Variants in ARPP21 observed in about 807,000 individuals in gnomAD.
ARPP21 encodes the protein cAMP regulated phosphoprotein 21.
Under a neutral mutation model 113.2 loss-of-function variants are expected in ARPP21, and 69 were observed. The observed-to-expected ratio is 0.61, with a 90% CI of 0.50 to 0.74. The LOEUF is 0.74. ARPP21 is among the 30% of genes least tolerant of loss of function. The pLI is 0.00. For missense variants in ARPP21, 1,070 were observed against 1,037.4 expected, an observed-to-expected ratio of 1.03 and a Z score of -0.43; for synonymous variants, 368 against 375.5, an observed-to-expected ratio of 0.98 and a Z score of 0.23.
At chr3:35,693,856 C>T (rs946555455) in intron 9 of ARPP21, among the ~76,000 whole-genome samples, 5 of 151,498 alleles carry the variant, frequency 3.3e-5, no homozygotes, top group African/African-American at 1.2e-4. Context: ...TTGGGGAATA[C>T]CTTTTCAATA....
chr3:35,706,211 T>C (rs2088942925), intron 9 of ARPP21, among the ~76,000 whole-genome samples: 2 of 152,136 alleles, frequency 1.3e-5, no homozygotes, highest in Admixed American at 1.3e-4. Flanking sequence ...ATTCATTGAG[T>C]TCTGTGGTCT....
chr3:35,651,457 C>T lies in ARPP21; in HGVS notation c.-213+11059C>T, dbSNP rs115162064. ...ATATTCATGCATCCATTTTTATTGG[C>T]TTGTTCATAAATGTTAACTATGCTT... On this transcript the variant is annotated intron_variant, in intron 1 of 20. Transcript: ENST00000684406. Among the ~76,000 whole-genome samples, 921 of 152,034 alleles carry T rather than the reference C, an allele frequency of 6.1e-3. 7 individuals are homozygous for T. The highest frequency in any genetic ancestry group is 0.021 in the African/African-American group (879 of 41,504).
At chr3:35,678,626 T>TTTATTTTC (rs2078106959) in intron 1 of ARPP21, among the ~76,000 whole-genome samples, 1 of 151,952 alleles carries the variant, frequency 6.6e-6, no homozygotes, top group South Asian at 2.1e-4. Flanking sequence ...CCAGAAACTA[T>TTTATTTTC]TGACTGTACT....
At chr3:35,706,759 G>A (rs1176338641) in intron 9 of ARPP21, among the ~76,000 whole-genome samples, 1 of 152,182 alleles carries the variant, frequency 6.6e-6, no homozygotes, top group African/African-American at 2.4e-5. Context: ...TGAGCAGCAT[G>A]TAGCAAACAA....
chr3:35,653,952 A>G (rs1703623628), intron 1 of ARPP21, among the ~76,000 whole-genome samples: 1 of 152,034 alleles, frequency 6.6e-6, no homozygotes, highest in East Asian at 1.9e-4. Context: ...ATTCTATAGC[A>G]TTGGCTTTTA....
chr3:35,646,219 G>A (rs1700168764), intron 1 of ARPP21, among the ~76,000 whole-genome samples: 1 of 151,996 alleles, frequency 6.6e-6, no homozygotes, highest in African/African-American at 2.4e-5. Context: ...AAATTCAATG[G>A]AAAAATGGAA....
intron 1 of ARPP21, chr3:35,640,834 C>T (rs930762707): frequency 3.9e-5 from 6 of 152,340 alleles, no homozygotes; most frequent in African/African-American, 1.4e-4. Flanking sequence ...TTTTTACATG[C>T]ATGAAATCTG....
rs892707327 is a variant in ARPP21 at position 35,684,138 on chromosome 3, C to A, written c.261+323C>A. The stretch of plus-strand genomic sequence containing the variant: ...AAGGCTCTCTTTTGATAAGGCTGAA[C>A]CAAATATAATCCCAAGTATCCTCTC... On this transcript the variant is annotated intron_variant, in intron 5 of 20. Transcript: ENST00000684406. 51 of 1,458,734 alleles carry A rather than the reference C, an allele frequency of 3.5e-5. No individual in the cohort carries two copies. The African/African-American group carries it at 3.6e-4, about 10-fold the overall frequency. The allele number at this position is 1,458,734 out of a possible 1,614,324, so 90.4% of individuals were successfully genotyped here.
At chr3:35,721,548 C>A in intron 13 of ARPP21, 57 bp from the exon 14 acceptor site, 1 of 993,062 alleles carries the variant, frequency 1.0e-6, no homozygotes, top group Non-Finnish European at 1.6e-6. Flanking sequence ...TGCCTACCAA[C>A]ACCATGCATG....
rs2079318047 is a variant in ARPP21, at chr3:35,682,760, TTCTTTC to T, written c.130-84_130-79del. The T allele has an allele frequency of 3.9e-5, 46 of 1,167,124 alleles. No homozygotes were observed. In the East Asian group the frequency reaches 1.0e-3, roughly 26 times the overall value. The allele number at this position is 1,167,124 out of a possible 1,614,324, so 72.3% of individuals were successfully genotyped here. ...AGCCGGTAGTGACATTTTTCTCTCT[TTCTTTC>T]TCTCTCTCTCTCGGTTGTTGATTTA... is the stretch of plus-strand genomic sequence containing the variant. On this transcript the variant is annotated intron_variant, in intron 3 of 20. Coordinates refer to ENST00000684406, the MANE Select transcript of ARPP21 (RefSeq NM_001385562.1).
At chr3:35,695,908 G>A (rs1444333790) in intron 9 of ARPP21, among the ~76,000 whole-genome samples, 1 of 151,558 alleles carries the variant, frequency 6.6e-6, no homozygotes, top group African/African-American at 2.4e-5. Context: ...AGGGAAATTA[G>A]TGAATTGTCT....
At chr3:35,703,702 C>T (rs1170316761) in intron 9 of ARPP21, among the ~76,000 whole-genome samples, 3 of 151,620 alleles carry the variant, frequency 2.0e-5, no homozygotes, top group Non-Finnish European at 2.9e-5. Context: ...GAAGTCTAGT[C>T]ATCATTGATT....
intron 8 of ARPP21, 82 bp from the exon 9 acceptor site, chr3:35,690,783 G>A: frequency 7.7e-7 from 1 of 1,292,978 alleles, no homozygotes; most frequent in Non-Finnish European, 1.1e-6. Context: ...AGAAGAAATA[G>A]TTTTGTGTGT....
chr3:35,687,162 T>C (rs1400224766), intron 5 of ARPP21, among the ~76,000 whole-genome samples: 1 of 151,402 alleles, frequency 6.6e-6, no homozygotes, highest in Non-Finnish European at 1.5e-5. Context: ...ATAATAAGTT[T>C]ATACCTAGAA....
chr3:35,792,306 A>G (rs1227583655), intron 19 of ARPP21, 76 bp from the exon 20 acceptor site: 9 of 1,335,502 alleles, frequency 6.7e-6, no homozygotes, highest in Admixed American at 1.8e-5. Context: ...TGCCTTTTGA[A>G]CCAGTAGTTT....
In ARPP21 at chr3:35,793,931, C is replaced by T. The variant is rs752165990; in HGVS notation, c.2517C>T (p.Ser839=). The T allele has an allele frequency of 3.7e-6, 6 of 1,613,996 alleles. No homozygotes were observed. Among genetic ancestry groups the T allele is most frequent in the Non-Finnish European group, 5.1e-6 (6 of 1,179,896 alleles). Reference sequence around the variant, plus strand: ...GCAGAACAAACTGTGCAAGTATGAGCAATGCTGGTTGGCAGGTCAAATTCT... The same window carrying T: ...GCAGAACAAACTGTGCAAGTATGAGTAATGCTGGTTGGCAGGTCAAATTCT... ...ASCRTNCASM[S]NAGWQVKF The change falls in exon 21 of 21, where the codon AGC becomes AGT. Residue 839 remains serine (S), a synonymous_variant. Transcript: ENST00000684406.
intron 18 of ARPP21, among the ~76,000 whole-genome samples, chr3:35,741,149 A>G (rs538828846): frequency 6.6e-6 from 1 of 152,324 alleles, no homozygotes; most frequent in South Asian, 2.1e-4. Context: ...TTTTAATAGG[A>G]AAGTCTTTCT....
At chr3:35,706,161 GT>G (rs2088910781) in intron 9 of ARPP21, among the ~76,000 whole-genome samples, 2 of 152,060 alleles carry the variant, frequency 1.3e-5, no homozygotes, top group Admixed American at 1.3e-4. Flanking sequence ...AGAAACAAAC[GT>G]TTTAGCACTT....
rs144724591 is a variant in ARPP21 at position 35,697,256 on chromosome 3, C to A, written c.686+6251C>A. On this transcript the variant is annotated intron_variant, in intron 9 of 20. Transcript: ENST00000684406. The stretch of plus-strand genomic sequence containing the variant: ...AGTGCAGAGCAAATAAAGGAAATAG[C>A]AAATCCACTGAAAGAGAGTGGATAC... Among the ~76,000 whole-genome samples the A allele has an allele frequency of 2.2e-3, 339 of 151,664 alleles. 4 individuals carry two copies. The highest frequency in any genetic ancestry group is 3.0e-3 in the Non-Finnish European group (204 of 67,694).
Sources: allele counts gnomAD v4.1 joint callset (sites outside exome capture counted in the v4.1 genomes callset), GRCh38; gene constraint gnomAD v4.1.1; transcripts MANE v1.5; gene names NCBI Gene and HGNC (gene_info 2026-07-23, HGNC 2026-07-21).